The following ITGA2 variants were observed in gnomAD, a reference collection of about 807,000 sequenced individuals.
ITGA2 encodes the protein integrin subunit alpha 2.
Under a neutral mutation model 146.3 loss-of-function variants are expected in ITGA2, and 101 were observed. The observed-to-expected ratio is 0.69, with a 90% CI of 0.59 to 0.81. ITGA2 has a LOEUF of 0.81. Among genes scored for constraint, ITGA2 ranks in the 40% least tolerant of loss-of-function variants. The probability of loss-of-function intolerance (pLI) is 0.00; values close to 1 mark genes in which losing one functional copy is unlikely to be tolerated. For synonymous variants in ITGA2, 477 were observed against 487.1 expected (o/e 0.98, Z 0.27); for missense variants, 1,281 against 1,402.7 (o/e 0.91, Z 1.39).
chr5:53,046,446 A>G (rs978270087), intron 4 of ITGA2, among the ~76,000 whole-genome samples: 30 of 152,028 alleles, frequency 2.0e-4, no homozygotes, highest in African/African-American at 7.2e-4. Flanking sequence ...ATAAATGAAT[A>G]TTGCAATGGA....
intron 21 of ITGA2, 24 bp downstream of exon 21, chr5:53,074,501 A>C: frequency 1.9e-6 from 3 of 1,550,452 alleles, no homozygotes; most frequent in Non-Finnish European, 2.7e-6. Context: ...TTCATCCTCC[A>C]ATCCATACAA....
At position 53,092,250 on chromosome 5, in the gene ITGA2, A is replaced by G. The variant is rs1740462797; in HGVS notation, c.*1651A>G. ...ATAAACTTCAGAGTCCTCATTATAA[A>G]ATGGGAAGACTGAGCTGGAGTTCAG... On this transcript the variant is annotated 3_prime_UTR_variant, in exon 30 of 30. Transcript: ENST00000296585. 6.6e-6 allele frequency: 1 copy of G among 152,176 alleles called. No homozygotes were observed. The highest frequency in any genetic ancestry group is 2.4e-5 in the African/African-American group (1 of 41,428). 9.4% of individuals were successfully genotyped at this position (152,176 alleles called of 1,614,324 possible).
At chr5:53,047,959 A>C (rs537998052) in intron 4 of ITGA2, among the ~76,000 whole-genome samples, 1 of 152,346 alleles carries the variant, frequency 6.6e-6, no homozygotes, top group East Asian at 1.9e-4. Flanking sequence ...AAAAGATAGA[A>C]TGTGTGGTTA....
intron 1 of ITGA2, among the ~76,000 whole-genome samples, chr5:53,002,703 T>A (rs1459510285): frequency 6.6e-6 from 1 of 152,230 alleles, no homozygotes; most frequent in Non-Finnish European, 1.5e-5. Context: ...GTTTTACTTT[T>A]GGATCATTTC....
At chr5:53,048,513 C>T (rs1030227843) in intron 5 of ITGA2, 36 bp downstream of exon 5, 15 of 1,609,670 alleles carry the variant, frequency 9.3e-6, no homozygotes, top group Non-Finnish European at 9.4e-6. Flanking sequence ...TGAGCAATGC[C>T]TTACAGTTAA....
intron 19 of ITGA2, 145 bp downstream of exon 19, chr5:53,072,840 T>A (rs565293537): frequency 1.6e-5 from 12 of 759,090 alleles, no homozygotes; most frequent in Non-Finnish European, 2.4e-5. Context: ...TTTCAATGTC[T>A]ACCATCCACA....
intron 7 of ITGA2, among the ~76,000 whole-genome samples, chr5:53,053,550 T>C (rs1744491077): frequency 6.6e-6 from 1 of 152,148 alleles, no homozygotes; most frequent in South Asian, 2.1e-4. Context: ...CCTGGGGCCC[T>C]GGCGAGCTTT....
Position 53,090,199 on chromosome 5 carries a change from TTC to T in ITGA2, c.3465+139_3465+140del, listed in dbSNP as rs1740342602. The T allele has an allele frequency of 4.2e-6, 3 of 722,618 alleles. No individual in the cohort carries two copies. In the Admixed American group the frequency reaches 6.6e-5, roughly 16 times the overall value. 44.8% of individuals were successfully genotyped at this position (722,618 alleles called of 1,614,324 possible). The stretch of plus-strand genomic sequence containing the variant: ...AAAGAAATGCAAATTTGTTTATAAT[TTC>T]TTACTCATGTCATTAAAAACAACCA... On this transcript the variant is annotated intron_variant, in intron 29 of 29. Coordinates refer to ENST00000296585, the MANE Select transcript of ITGA2 (RefSeq NM_002203.4).
intron 2 of ITGA2, among the ~76,000 whole-genome samples, chr5:53,030,571 G>A (rs1481623226): frequency 6.6e-6 from 1 of 152,226 alleles, no homozygotes; most frequent in Non-Finnish European, 1.5e-5. Flanking sequence ...GAGAACAAAA[G>A]TTGGCCAAGC....
At position 53,081,771 on chromosome 5, in the gene ITGA2, T is replaced by TA. The variant is rs1329294279; in HGVS notation, c.3144+76dup. The stretch of plus-strand genomic sequence containing the variant: ...TGTGATCAGGACGCTGCTTTTCTCC[T>TA]ACCAGCTGATATCATAGAGCTTTCT... On this transcript the variant is annotated intron_variant, in intron 26 of 29. Transcript: ENST00000296585. The TA allele has an allele frequency of 8.4e-6, 8 of 954,306 alleles. No individual in the cohort carries two copies. The East Asian group carries it at 2.1e-4, about 25-fold the overall frequency. 59.1% of individuals were successfully genotyped at this position (954,306 alleles called of 1,614,324 possible). A position where few individuals can be genotyped will look rare whatever the true frequency, so the allele number is the denominator to read the frequency against.
chr5:53,067,324 C>T, intron 16 of ITGA2, 67 bp downstream of exon 16: 5 of 1,580,482 alleles, frequency 3.2e-6, no homozygotes, highest in Non-Finnish European at 4.3e-6. Context: ...CTGAATATAA[C>T]ATATTTTGGT....
Position 53,051,396 on chromosome 5 carries a change from T to A in ITGA2, c.631-15T>A. ...TGTAATGACAGCCCATTAATAAATG[T>A]CTCCTCTGTTGAAGGTGGGGTTAAT... On this transcript the variant is annotated splice_polypyrimidine_tract_variant and intron_variant, in intron 6 of 29. Transcript: ENST00000296585. 1 of 1,611,814 alleles carries A rather than the reference T, an allele frequency of 6.2e-7. No individual in the cohort carries two copies. Among genetic ancestry groups the A allele is most frequent in the Non-Finnish European group, 8.5e-7 (1 of 1,178,128 alleles).
chr5:53,010,214 A>G (rs3212402), intron 1 of ITGA2, among the ~76,000 whole-genome samples: 1 of 151,940 alleles, frequency 6.6e-6, no homozygotes, highest in Non-Finnish European at 1.5e-5. Flanking sequence ...GCAAATTTTT[A>G]AAAAAATGTT....
At chr5:53,010,204 G>A (rs1022543153) in intron 1 of ITGA2, among the ~76,000 whole-genome samples, 1 of 152,082 alleles carries the variant, frequency 6.6e-6, no homozygotes, top group Non-Finnish European at 1.5e-5. Context: ...TAAGAAACCT[G>A]CAAATTTTTA....
rs462383 is a variant in ITGA2, at chr5:53,000,654, G to A, written c.64+11122G>A. On this transcript the variant is annotated intron_variant, in intron 1 of 29. Transcript: ENST00000296585. The stretch of plus-strand genomic sequence containing the variant: ...TTCTTAATGATGGTTATTATATTTC[G>A]CAGTTTATGAGTTTCTATTTGGTTC... Among the ~76,000 whole-genome samples, 88 of 151,966 alleles carry A rather than the reference G, an allele frequency of 5.8e-4. 1 individual carries two copies. The East Asian group carries it at 0.015, about 25-fold the overall frequency.
intron 1 of ITGA2, among the ~76,000 whole-genome samples, chr5:53,006,640 G>A (rs1230287364): frequency 6.6e-6 from 1 of 152,140 alleles, no homozygotes; most frequent in Admixed American, 6.5e-5. Context: ...ATTATTCTAA[G>A]TGCTGGGGAA....
intron 9 of ITGA2, among the ~76,000 whole-genome samples, chr5:53,057,672 T>C (rs1302827608): frequency 6.6e-6 from 1 of 151,990 alleles, no homozygotes; most frequent in African/African-American, 2.4e-5. Flanking sequence ...ATGATCAAGT[T>C]TTTAAAAAAT....
In ITGA2 at chr5:53,074,359, A is replaced by G. The variant is rs763011145; in HGVS notation, c.2572-26A>G. The G allele has an allele frequency of 3.8e-6, 6 of 1,591,396 alleles. No homozygotes were observed. In the Admixed American group the frequency reaches 8.4e-5, roughly 22 times the overall value. On this transcript the variant is annotated intron_variant, in intron 20 of 29. Transcript: ENST00000296585. ...CACAAATGTTGTATGCCAATTGATC[A>G]TTGTTGTTTCCTTGGTCTTGTTCAG...
intron 4 of ITGA2, among the ~76,000 whole-genome samples, chr5:53,048,087 G>C (rs1277141666): frequency 2.0e-5 from 3 of 152,124 alleles, no homozygotes; most frequent in Non-Finnish European, 4.4e-5. Flanking sequence ...TATCTAGCTT[G>C]TTGGGAGACC....
Sources: gnomAD v4.1 joint callset for allele counts (sites outside exome capture counted in the v4.1 genomes callset) on GRCh38, gnomAD v4.1.1 for gene constraint, MANE v1.5 for transcripts, NCBI Gene and HGNC (gene_info 2026-07-23, HGNC 2026-07-21) for gene names.